CSMD3: variants seen among roughly 807,000 people sequenced by gnomAD.
CSMD3 encodes CUB and sushi domain-containing protein 3.
A neutral mutation model predicts 435.2 loss-of-function variants in CSMD3; 177 were observed. The observed-to-expected ratio is 0.41, with a 90% CI of 0.36 to 0.46. The LOEUF is 0.46. Ranked by LOEUF, CSMD3 falls within the 20% of genes least tolerant of loss-of-function variation. The probability of loss-of-function intolerance (pLI) is 0.34; values close to 1 mark genes in which losing one functional copy is unlikely to be tolerated. For missense variants in CSMD3, 4,265 were observed against 4,504.6 expected (o/e 0.95, Z 1.52); for synonymous variants, 1,656 against 1,520.5 (o/e 1.09, Z -2.07).
intron 2 of CSMD3, among the ~76,000 whole-genome samples, chr8:113,295,499 A>G (rs763804967): frequency 6.6e-5 from 10 of 152,226 alleles, no homozygotes; most frequent in Non-Finnish European, 8.8e-5. Context: ...AATATTAGCT[A>G]TCTAAAGGTA....
intron 5 of CSMD3, among the ~76,000 whole-genome samples, chr8:113,054,106 C>T (rs530148012): frequency 1.2e-4 from 19 of 152,226 alleles, no homozygotes; most frequent in African/African-American, 4.3e-4. Context: ...TTTTGTATTA[C>T]TCACATCTCT....
chr8:112,379,926 T>C (rs1406239023), intron 38 of CSMD3, among the ~76,000 whole-genome samples: 3 of 152,016 alleles, frequency 2.0e-5, no homozygotes, highest in African/African-American at 4.8e-5. Context: ...AAATCTAAAA[T>C]AGTCAGACCC....
intron 12 of CSMD3, among the ~76,000 whole-genome samples, chr8:112,828,333 A>G (rs2079759608): frequency 6.6e-6 from 1 of 152,132 alleles, no homozygotes; most frequent in African/African-American, 2.4e-5. Flanking sequence ...TCTCACGTCA[A>G]ATTGGAGGAG....
intron 3 of CSMD3, among the ~76,000 whole-genome samples, chr8:113,265,205 T>C (rs1051418038): frequency 1.3e-5 from 2 of 151,456 alleles, no homozygotes; most frequent in Non-Finnish European, 3.0e-5. Flanking sequence ...CAAAAATCTA[T>C]GATTTTTTGA....
chr8:113,200,144 C>T (rs2092701734), intron 3 of CSMD3, among the ~76,000 whole-genome samples: 1 of 151,740 alleles, frequency 6.6e-6, no homozygotes. Flanking sequence ...AGCATTTTAC[C>T]AATTGTTGAA....
chr8:113,434,882 C>A (rs567928154), intron 1 of CSMD3, among the ~76,000 whole-genome samples: 10 of 152,310 alleles, frequency 6.6e-5, no homozygotes, highest in South Asian at 4.1e-4. Flanking sequence ...TTCCCTCCCC[C>A]TCATCTGCCC....
At chr8:112,682,877 AATTTCAAAACAGAATT>A (rs2075932538) in intron 15 of CSMD3, among the ~76,000 whole-genome samples, 1 of 152,102 alleles carries the variant, frequency 6.6e-6, no homozygotes, top group Admixed American at 6.6e-5. Flanking sequence ...AAAATTATAA[AATTTCAAAACAGAATT>A]ATTTCTGCTT....
chr8:112,509,767 C>T (rs1421360772), intron 28 of CSMD3, among the ~76,000 whole-genome samples: 1 of 152,080 alleles, frequency 6.6e-6, no homozygotes, highest in Non-Finnish European at 1.5e-5. Context: ...TCTACTGGTA[C>T]ATTTTTCCTT....
chr8:112,800,938 C>A (rs565064394), intron 12 of CSMD3, among the ~76,000 whole-genome samples: 1 of 152,060 alleles, frequency 6.6e-6, no homozygotes, highest in South Asian at 2.1e-4. Flanking sequence ...TGTCTATCAT[C>A]AATGATATTG....
At chr8:112,992,827 G>A (rs960258289) in intron 6 of CSMD3, among the ~76,000 whole-genome samples, 1 of 151,658 alleles carries the variant, frequency 6.6e-6, no homozygotes, top group African/African-American at 2.4e-5. Context: ...CTGTGTGTGT[G>A]TGTGTGTTTT....
intron 3 of CSMD3, among the ~76,000 whole-genome samples, chr8:113,180,380 G>A (rs1588216602): frequency 6.6e-6 from 1 of 151,976 alleles, no homozygotes; most frequent in African/African-American, 2.4e-5. Flanking sequence ...GGGGACTTCA[G>A]TTTGAGCAAA....
At chr8:113,161,341 G>C (rs933054473) in intron 4 of CSMD3, among the ~76,000 whole-genome samples, 2 of 152,126 alleles carry the variant, frequency 1.3e-5, no homozygotes, top group African/African-American at 4.8e-5. Context: ...ATCTATTCCA[G>C]TGTAAAGTTT....
intron 67 of CSMD3, among the ~76,000 whole-genome samples, chr8:112,235,332 C>T (rs762206384): frequency 1.1e-4 from 16 of 151,770 alleles, no homozygotes; most frequent in Non-Finnish European, 2.2e-4. Flanking sequence ...TGCAGTGAGC[C>T]GAGATGGCAC....
intron 6 of CSMD3, among the ~76,000 whole-genome samples, chr8:112,986,625 G>A (rs2085264423): frequency 6.6e-6 from 1 of 151,974 alleles, no homozygotes; most frequent in African/African-American, 2.4e-5. Flanking sequence ...TTCTATACTT[G>A]AGGAAAAAAT....
chr8:112,662,368 A>G (rs57373866), intron 17 of CSMD3, among the ~76,000 whole-genome samples: 4,359 of 152,110 alleles, frequency 0.029, 224 homozygotes, highest in African/African-American at 0.098. Flanking sequence ...AAATAATGCC[A>G]CATATCTACA....
At chr8:112,263,949 C>G in intron 60 of CSMD3, 137 bp from the exon 61 acceptor site, 4 of 814,402 alleles carry the variant, frequency 4.9e-6, no homozygotes, top group African/African-American at 1.7e-5. Context: ...ATATCTTATT[C>G]TCCTGGTAGT....
intron 13 of CSMD3, among the ~76,000 whole-genome samples, chr8:112,747,701 C>T (rs186222393): frequency 3.3e-5 from 5 of 152,210 alleles, no homozygotes; most frequent in African/African-American, 1.2e-4. Context: ...GGCGGCCGGG[C>T]GCGGTGGCTC....
chr8:112,699,944 A>G (rs2076351539), intron 13 of CSMD3, among the ~76,000 whole-genome samples: 1 of 152,058 alleles, frequency 6.6e-6, no homozygotes, highest in African/African-American at 2.4e-5. Flanking sequence ...CCTGGACAAG[A>G]AAAAAACATA....
At chr8:112,832,374 A>G (rs1366117414) in intron 11 of CSMD3, among the ~76,000 whole-genome samples, 2 of 152,192 alleles carry the variant, frequency 1.3e-5, no homozygotes, top group African/African-American at 4.8e-5. Flanking sequence ...AAGATGTGTA[A>G]TTAAGATCTC....
Sources: gnomAD v4.1 joint callset for allele counts (sites outside exome capture counted in the v4.1 genomes callset) on GRCh38, gnomAD v4.1.1 for gene constraint, MANE v1.5 for transcripts, NCBI Gene and HGNC (gene_info 2026-07-23, HGNC 2026-07-21) for gene names.